Variants in PLXNB3 observed in about 807,000 individuals in gnomAD.
The protein encoded by PLXNB3 is plexin B3.
A neutral mutation model predicts 125.7 loss-of-function variants in PLXNB3; 80 were observed. The ratio of observed to expected loss-of-function variants is 0.64; its 90% CI spans 0.53 to 0.77. The LOEUF (loss-of-function observed/expected upper bound fraction) is 0.77, where lower values mean the gene tolerates loss of function less well. Among genes scored for constraint, PLXNB3 ranks in the 30% least tolerant of loss-of-function variants. PLXNB3 has a pLI of 0.00. For missense variants in PLXNB3, 1,836 were observed against 1,729.3 expected, an observed-to-expected ratio of 1.06 and a Z score of -1.09; for synonymous variants, 954 against 783.3, an observed-to-expected ratio of 1.22 and a Z score of -3.64.
At position 153,768,835 on chromosome X, in the gene PLXNB3, G is replaced by C. The variant is rs1289354727; in HGVS notation, c.1267-113G>C. 4 of 896,525 alleles carry C rather than the reference G, an allele frequency of 4.5e-6. No individual in the cohort carries two copies. The African/African-American group carries it at 7.9e-5, about 18-fold the overall frequency. 73.9% of individuals were successfully genotyped at this position (896,525 alleles called of 1,213,427 possible). A position where few individuals can be genotyped will look rare whatever the true frequency, so the allele number is the denominator to read the frequency against. On this transcript the variant is annotated intron_variant, in intron 4 of 35. Transcript: ENST00000361971. Reference sequence around the variant, plus strand: ...GTGATGTGTCCTCCCTCGATGGCCCGGCAGGAAGGGGAACTGGCTCTAAAA... The same window carrying C: ...GTGATGTGTCCTCCCTCGATGGCCCCGCAGGAAGGGGAACTGGCTCTAAAA...
In PLXNB3 at chrX:153,765,551, C is replaced by T. The variant is rs2091848053; in HGVS notation, c.16C>T (p.Gln6Ter). The T allele has an allele frequency of 8.4e-7, 1 of 1,197,310 alleles. No individual in the cohort carries two copies. Among genetic ancestry groups the T allele is most frequent in the Middle Eastern group, 2.3e-4 (1 of 4,324 alleles). MCHAA[Q>*]ETPLLHHFMA... is the part of the protein sequence containing the mutation. ...AACTGAGCGTATGTGCCACGCCGCC[C>T]AGGAGACCCCTCTGCTGCACCACTT... Residue 6 changes from glutamine (Q) to a stop codon, truncating the protein, a stop_gained, in exon 2 of 36, where the codon CAG becomes TAG. Coordinates refer to ENST00000361971, the MANE Select transcript of PLXNB3 (RefSeq NM_005393.3). LOFTEE classifies it high-confidence loss of function.
In PLXNB3 at chrX:153,770,239, C is replaced by G. The variant is rs782283893; in HGVS notation, c.1777C>G (p.Pro593Ala). The G allele has an allele frequency of 2.6e-5, 32 of 1,209,566 alleles. No homozygotes were observed. Among genetic ancestry groups the G allele is most frequent in the Non-Finnish European group, 3.5e-5 (31 of 895,090 alleles). ...CCAAGACCAGGTGCCACTTAACCCT[C>G]CAGGCACAGGTGAGTGGCCCATGGG... ...PPQDQVPLNP[P>A]GTDHVTVPLA... The change falls in exon 8 of 36, where the codon CCA becomes GCA. Residue 593 changes from proline to alanine, a missense_variant. By Grantham distance (27) the Pro-to-Ala change is conservative. Coordinates refer to ENST00000361971, the MANE Select transcript of PLXNB3 (RefSeq NM_005393.3).
At position 153,776,016 on chromosome X, in the gene PLXNB3, G is replaced by C. The variant is rs782539109; in HGVS notation, c.4531G>C (p.Val1511Leu). 1.7e-6 allele frequency: 2 copies of C among 1,207,002 alleles called. No individual in the cohort carries two copies. Among genetic ancestry groups the C allele is most frequent in the East Asian group, 3.0e-5 (1 of 33,636 alleles). Residue 1511 changes from valine (V) to leucine (L), a missense_variant, in exon 27 of 36, where the codon GTG becomes CTG. By Grantham distance (32) the Val-to-Leu change is conservative. Coordinates refer to ENST00000361971, the MANE Select transcript of PLXNB3 (RefSeq NM_005393.3). ...TGATAGCCGCTTGCTGCGGGAGGAC[G>C]TGGAGTTCCAGCCCCTGACGCTGAT... ...LNDSRLLREDVEFQPLTLMVL... is the reference protein window; with the variant it reads ...LNDSRLLREDLEFQPLTLMVL...
chrX:153,770,429 C>T lies in PLXNB3; in HGVS notation c.1878C>T (p.Ala626=). The T allele has an allele frequency of 3.3e-6, 4 of 1,209,420 alleles. No individual in the cohort carries two copies. Among genetic ancestry groups the T allele is most frequent in the Non-Finnish European group, 4.5e-6 (4 of 894,004 alleles). Residue 626 remains alanine, a synonymous_variant, in exon 9 of 36, where the codon GCC becomes GCT. Coordinates refer to ENST00000361971, the MANE Select transcript of PLXNB3 (RefSeq NM_005393.3). ...FSFYDCSAVQ[A]LEAAAPCRAC... ...TTTATGACTGCAGTGCCGTCCAGGC[C>T]TTGGAGGCGGCTGCCCCGTGAGTCC...
At chrX:153,778,128 G>A (rs1366941310) in intron 32 of PLXNB3, 33 bp downstream of exon 32, 1 of 1,208,504 alleles carries the variant, frequency 8.3e-7, no homozygotes, top group Non-Finnish European at 1.1e-6. Flanking sequence ...CAGCTGGCAG[G>A]GGCTTGAGGA....
At position 153,765,586 on chromosome X, in the gene PLXNB3, T is replaced by C. The variant is rs1557058885; in HGVS notation, c.45+6T>C. ...CTCTGCTGCACCACTTCATGGTAAG[T>C]GCCCAGGCCCGGTGTCCCCAGAAAT... On this transcript the variant is annotated splice_donor_region_variant and intron_variant, in intron 2 of 35. Coordinates refer to ENST00000361971, the MANE Select transcript of PLXNB3 (RefSeq NM_005393.3). 1 of 1,190,664 alleles carries C rather than the reference T, an allele frequency of 8.4e-7. No individual in the cohort carries two copies. The highest frequency in any genetic ancestry group is 1.8e-5 in the South Asian group (1 of 54,080).
chrX:153,775,350 G>A lies in PLXNB3; in HGVS notation c.4281G>A (p.Leu1427=), dbSNP rs371351812. The change falls in exon 25 of 36, where the codon CTG becomes CTA. Residue 1427 remains leucine, a synonymous_variant. Coordinates refer to ENST00000361971, the MANE Select transcript of PLXNB3 (RefSeq NM_005393.3). ...TGACGGACATCATGAGGACCCTGCTGGGTGACCTGGCGGCCCATTACGTGC... is the reference window on the plus strand; with the variant it reads ...TGACGGACATCATGAGGACCCTGCTAGGTGACCTGGCGGCCCATTACGTGC... ...EYLTDIMRTL[L]GDLAAHYVHR... 5.8e-3 allele frequency: 7,012 copies of A among 1,209,380 alleles called. 210 individuals carry two copies. In the South Asian group the frequency reaches 0.11, roughly 19 times the overall value.
chrX:153,766,627 G>A lies in PLXNB3; in HGVS notation c.46-246G>A, dbSNP rs1018170871. On this transcript the variant is annotated intron_variant, in intron 2 of 35. Transcript: ENST00000361971. Reference sequence around the variant, plus strand: ...TCTGTCCTTGTGTGCTTGTGCGTGCGTGCATGCACCCCTCCCTGCCTCTTG... The same window carrying A: ...TCTGTCCTTGTGTGCTTGTGCGTGCATGCATGCACCCCTCCCTGCCTCTTG... 27 of 1,055,592 alleles carry A rather than the reference G, an allele frequency of 2.6e-5. No individual in the cohort carries two copies. In the African/African-American group the frequency reaches 4.0e-4, roughly 16 times the overall value. 87.0% of individuals were successfully genotyped at this position (1,055,592 alleles called of 1,213,427 possible).
intron 6 of PLXNB3, 56 bp from the exon 7 acceptor site, chrX:153,769,751 G>A (rs782101394): frequency 6.5e-5 from 74 of 1,138,897 alleles, no homozygotes; most frequent in African/African-American, 5.9e-4. Context: ...CCCTGTTGCC[G>A]GTCATCCTTG....
At chrX:153,766,544 T>TC (rs2091860402) in intron 2 of PLXNB3, 5 of 1,039,732 alleles carry the variant, frequency 4.8e-6, no homozygotes, top group Non-Finnish European at 6.1e-6. Context: ...CTTGCGGCTT[T>TC]CCAGGACCTG....
intron 28 of PLXNB3, 90 bp from the exon 29 acceptor site, chrX:153,776,786 AGGGCGGGTCTG>A: frequency 2.8e-6 from 1 of 357,181 alleles, no homozygotes; most frequent in Non-Finnish European, 4.2e-6. Flanking sequence ...GAGGCAGGGC[AGGGCGGGTCTG>A]GGGCGGGGAA....
At position 153,773,597 on chromosome X, in the gene PLXNB3, G is replaced by A; in HGVS notation, c.3163G>A (p.Asp1055Asn). 1.7e-6 allele frequency: 2 copies of A among 1,206,814 alleles called. No homozygotes were observed. The highest frequency in any genetic ancestry group is 2.2e-6 in the Non-Finnish European group (2 of 893,485). ...CCTACTGTCTGTGTGGCTGGAGGCTGACGCAGAGGTGCAGGCTTCCAGGGC... is the reference window on the plus strand; with the variant it reads ...CCTACTGTCTGTGTGGCTGGAGGCTAACGCAGAGGTGCAGGCTTCCAGGGC... ...RPLLSVWLEA[D>N]AEVQASRAQP... Residue 1055 changes from aspartate (D) to asparagine (N), a missense_variant, in exon 19 of 36, where the codon GAC becomes AAC. Coordinates refer to ENST00000361971, the MANE Select transcript of PLXNB3 (RefSeq NM_005393.3).
In PLXNB3 at chrX:153,772,010, G is replaced by T; in HGVS notation, c.2664G>T (p.Ser888=). The T allele has an allele frequency of 8.4e-7, 1 of 1,188,034 alleles. No individual in the cohort carries two copies. Among genetic ancestry groups the T allele is most frequent in the Non-Finnish European group, 1.1e-6 (1 of 882,801 alleles). ...CTGAGCCCTCTCTCTACCGCACGTC[G>T]GCCCGGTGAGGCACTTGGAGGGTGA... The part of the protein sequence containing the change: ...CNPEPSLYRT[S]ARIVCVTSPA... Residue 888 remains serine (S), a synonymous_variant, in exon 15 of 36, where the codon TCG becomes TCT. Transcript: ENST00000361971.
chrX:153,769,771 AC>A (rs2091905708), intron 6 of PLXNB3, 35 bp from the exon 7 acceptor site: 2 of 1,185,098 alleles, frequency 1.7e-6, no homozygotes, highest in Non-Finnish European at 2.3e-6. Context: ...GGAGTCTAGG[AC>A]CCCCACGGTG....
In PLXNB3 at chrX:153,769,091, G is replaced by A. The variant is rs782290498; in HGVS notation, c.1395+15G>A. ...CTGCCCACCAGGTGAGGGCCATCCT[G>A]GGGCTGAAGGGGCCAGCACACGCGG... On this transcript the variant is annotated intron_variant, in intron 5 of 35. Transcript: ENST00000361971. 2.5e-6 allele frequency: 3 copies of A among 1,205,909 alleles called. No homozygotes were observed. Among genetic ancestry groups the A allele is most frequent in the Non-Finnish European group, 2.2e-6 (2 of 891,688 alleles).
Position 153,771,555 on chromosome X carries a change from G to A in PLXNB3, c.2417G>A (p.Gly806Asp). Reference protein sequence around the residue: ...SHCQAANRSLGCLWCADGQPA... With the variant: ...SHCQAANRSLDCLWCADGQPA... ...TGCCAAGCGGCCAACAGGAGCCTGG[G>A]CTGCCTGTGGTGTGCTGACGGCCAG... The change falls in exon 14 of 36, where the codon GGC becomes GAC. Residue 806 changes from glycine to aspartate, a missense_variant. By Grantham distance (94) the Gly-to-Asp change is moderately conservative. Transcript: ENST00000361971. 8.3e-7 allele frequency: 1 copy of A among 1,208,939 alleles called. No homozygotes were observed. Among genetic ancestry groups the A allele is most frequent in the Non-Finnish European group, 1.1e-6 (1 of 894,440 alleles).
chrX:153,777,859 G>A (rs1398719446), intron 31 of PLXNB3, 89 bp from the exon 32 acceptor site: 20 of 1,113,416 alleles, frequency 1.8e-5, no homozygotes, highest in Middle Eastern at 3.3e-4. Context: ...CCCTGGCTCC[G>A]AGTGTGTTGC....
rs1189270790 is a variant in PLXNB3, at chrX:153,773,702, G to A, written c.3268G>A (p.Gly1090Arg). Residue 1090 changes from glycine to arginine, a missense_variant, in exon 19 of 36, where the codon GGG becomes AGG. Physicochemically the swap from Gly to Arg is moderately radical, Grantham distance 125 (BLOSUM62 -2). Transcript: ENST00000361971. ...DPQACIQLGG[G>R]LLQCSTVCSV... ...CCAGGCTTGTATCCAGCTCGGTGGGGGGCTGCTGCAGGTGAGCCCCTCACC... is the reference window on the plus strand; with the variant it reads ...CCAGGCTTGTATCCAGCTCGGTGGGAGGCTGCTGCAGGTGAGCCCCTCACC... 6 of 1,164,060 alleles carry A rather than the reference G, an allele frequency of 5.2e-6. No individual in the cohort carries two copies. Among genetic ancestry groups the A allele is most frequent in the African/African-American group, 1.8e-5 (1 of 56,856 alleles).
intron 2 of PLXNB3, chrX:153,766,611 G>A: frequency 9.5e-7 from 1 of 1,056,735 alleles, no homozygotes; most frequent in African/African-American, 1.9e-5. Flanking sequence ...TTCTGTCCTT[G>A]TGTGCTTGTG....
Sources: gnomAD v4.1 joint callset for allele counts on GRCh38, gnomAD v4.1.1 for gene constraint, MANE v1.5 for transcripts, NCBI Gene and HGNC (gene_info 2026-07-23, HGNC 2026-07-21) for gene names.